The following HS3ST6 variants were observed in gnomAD, a reference collection of about 807,000 sequenced individuals.
HS3ST6 encodes heparan sulfate-glucosamine 3-sulfotransferase 6.
A neutral mutation model predicts 11.0 loss-of-function variants in HS3ST6; 13 were observed. The ratio of observed to expected loss-of-function variants is 1.18; its 90% CI spans 0.77 to 1.88. The LOEUF is 1.88. HS3ST6 is among the 40% of genes most tolerant of loss of function. The pLI is 0.00. For synonymous variants in HS3ST6, 232 were observed against 230.6 expected (o/e 1.01, Z -0.06); for missense variants, 541 against 494.4 (o/e 1.09, Z -0.89).
chr16:1,920,658 G>A (rs1027606276), upstream of HS3ST6, among the ~76,000 whole-genome samples: 13 of 147,574 alleles, frequency 8.8e-5, no homozygotes, highest in East Asian at 2.1e-4. Context: ...TGACCAGAAC[G>A]CAGAACAGCA....
chr16:1,917,319 C>T lies in HS3ST6; in HGVS notation c.413+592G>A, dbSNP rs555284235. On this transcript the variant is annotated intron_variant, in intron 1 of 1. Coordinates refer to ENST00000454677, the MANE Select transcript of HS3ST6 (RefSeq NM_001009606.4). ...ACGTCCATCCTGGGTAGAGGCAGGA[C>T]AGCCACAGAGCCCCATGCACGGGGC... 2.0e-3 allele frequency among the ~76,000 whole-genome samples: 308 copies of T among 152,278 alleles called. 1 individual carries two copies. The highest frequency in any genetic ancestry group is 3.2e-3 in the Non-Finnish European group (218 of 68,010).
chr16:1,919,517 C>A (rs1260112690), upstream of HS3ST6, among the ~76,000 whole-genome samples: 5 of 152,256 alleles, frequency 3.3e-5, no homozygotes, highest in African/African-American at 4.8e-5. Context: ...GCCTTCCTGG[C>A]CACAGGGCTG....
chr16:1,913,442 A>G (rs1240254375), intron 1 of HS3ST6, among the ~76,000 whole-genome samples: 4 of 152,180 alleles, frequency 2.6e-5, no homozygotes, highest in Non-Finnish European at 5.9e-5. Flanking sequence ...GGGCAGGCCC[A>G]GGCACCCCCA....
At position 1,918,063 on chromosome 16, in the gene HS3ST6, G is replaced by A; in HGVS notation, c.261C>T (p.Arg87=). The A allele has an allele frequency of 6.6e-7, 1 of 1,510,624 alleles. No individual in the cohort carries two copies. Among genetic ancestry groups the A allele is most frequent in the Admixed American group, 2.1e-5 (1 of 48,682 alleles). The allele number at this position is 1,510,624 out of a possible 1,614,324, so 93.6% of individuals were successfully genotyped here. The change falls in exon 1 of 2, where the codon CGC becomes CGT. Residue 87 remains arginine, a synonymous_variant. Coordinates refer to ENST00000454677, the MANE Select transcript of HS3ST6 (RefSeq NM_001009606.4). This position sits in a 1 kb window ranked among gnomAD's most constrained non-coding sequence, Gnocchi z 6.0. ...PGLPLASGPG[R]RRFPQALIVG... Reference sequence around the variant, plus strand: ...CGATGAGCGCTTGCGGGAAGCGCCGGCGGCCGGGACCGCTGGCCAAAGGCA... The same window carrying A: ...CGATGAGCGCTTGCGGGAAGCGCCGACGGCCGGGACCGCTGGCCAAAGGCA...
At position 1,911,538 on chromosome 16, in the gene HS3ST6, T is replaced by C. The variant is rs2082885361; in HGVS notation, c.*52A>G. 2 of 1,494,336 alleles carry C rather than the reference T, an allele frequency of 1.3e-6. No individual in the cohort carries two copies. Among genetic ancestry groups the C allele is most frequent in the Non-Finnish European group, 1.8e-6 (2 of 1,120,596 alleles). The allele number at this position is 1,494,336 out of a possible 1,614,324, so 92.6% of individuals were successfully genotyped here. ...CCCAGCATGTGCACGCAGCCCGCTC[T>C]GGCCAGGCGAGCGGGTGTCAATCAA... On this transcript the variant is annotated 3_prime_UTR_variant, in exon 2 of 2. Transcript: ENST00000454677.
At chr16:1,914,321 G>GCAGCT (rs2082911943) in intron 1 of HS3ST6, among the ~76,000 whole-genome samples, 1 of 152,178 alleles carries the variant, frequency 6.6e-6, no homozygotes, top group African/African-American at 2.4e-5. Context: ...CTGAGGCCTG[G>GCAGCT]CAGCTCAGGG....
At chr16:1,919,533 A>G (rs1479208835), upstream of HS3ST6, among the ~76,000 whole-genome samples, 3 of 152,210 alleles carry the variant, frequency 2.0e-5, no homozygotes, top group Non-Finnish European at 1.5e-5. Context: ...GGCTGGCGCC[A>G]GGCAGGCACG....
rs2082896213 is a variant in HS3ST6, at chr16:1,912,231, G to T, written c.414-26C>A. 2.9e-6 allele frequency: 4 copies of T among 1,373,336 alleles called. No individual in the cohort carries two copies. In the Admixed American group the frequency reaches 1.2e-4, roughly 42 times the overall value. The allele number at this position is 1,373,336 out of a possible 1,614,324, so 85.1% of individuals were successfully genotyped here. On this transcript the variant is annotated intron_variant, in intron 1 of 1. Transcript: ENST00000454677. The surrounding 1 kb of genome is among the most constrained non-coding windows in gnomAD (Gnocchi z 5.6). Reference sequence around the variant, plus strand: ...CTGCGGGACGGGTGCAAGGAGAGGGGGCCTGAGCCTCCCCAGCCCTAGACC... The same window carrying T: ...CTGCGGGACGGGTGCAAGGAGAGGGTGCCTGAGCCTCCCCAGCCCTAGACC...
chr16:1,919,945 G>T (rs754748075), upstream of HS3ST6, among the ~76,000 whole-genome samples: 22 of 152,120 alleles, frequency 1.4e-4, no homozygotes, highest in Non-Finnish European at 2.5e-4. Context: ...AAACGGTATT[G>T]TTCCCAACGG....
At chr16:1,919,225 C>T (rs2082947710), upstream of HS3ST6, among the ~76,000 whole-genome samples, 1 of 152,192 alleles carries the variant, frequency 6.6e-6, no homozygotes, top group South Asian at 2.1e-4. Flanking sequence ...GCAAAGTGGA[C>T]CCCACTGGAG....
chr16:1,920,387 G>T (rs2982441), upstream of HS3ST6, among the ~76,000 whole-genome samples: 74 of 48,018 alleles, frequency 1.5e-3, 5 homozygotes, highest in East Asian at 6.6e-3. Flanking sequence ...ACGGTCTCAG[G>T]AGTCCCCACA....
At chr16:1,917,789 C>A in intron 1 of HS3ST6, 122 bp downstream of exon 1, 2 of 751,978 alleles carry the variant, frequency 2.7e-6, no homozygotes, top group Admixed American at 4.2e-5. Context: ...GCGGTCCCAA[C>A]CCCACTGCCC....
chr16:1,913,316 C>T (rs1214739932), intron 1 of HS3ST6, among the ~76,000 whole-genome samples: 2 of 152,312 alleles, frequency 1.3e-5, no homozygotes, highest in Non-Finnish European at 2.9e-5. Context: ...AGATTCTCCT[C>T]ATTCTGACAC....
chr16:1,912,188 G>T lies in HS3ST6; in HGVS notation c.431C>A (p.Thr144Asn). 4 of 1,442,588 alleles carry T rather than the reference G, an allele frequency of 2.8e-6. No individual in the cohort carries two copies. The highest frequency in any genetic ancestry group is 3.6e-6 in the Non-Finnish European group (4 of 1,098,128). The allele number at this position is 1,442,588 out of a possible 1,614,324, so 89.4% of individuals were successfully genotyped here. ...LAWYRSLMPR[T>N]LDGQITMEKT... ...CTCCATGGTGATCTGCCCATCCAGGGTTCGGGGCATCAGACTCCTGCGGGA... is the reference window on the plus strand; with the variant it reads ...CTCCATGGTGATCTGCCCATCCAGGTTTCGGGGCATCAGACTCCTGCGGGA... Residue 144 changes from threonine to asparagine, a missense_variant, in exon 2 of 2, where the codon ACC becomes AAC. Thr to Asn is a moderately conservative substitution (Grantham distance 65). Coordinates refer to ENST00000454677, the MANE Select transcript of HS3ST6 (RefSeq NM_001009606.4). The surrounding 1 kb of genome is among the most constrained non-coding windows in gnomAD (Gnocchi z 5.6).
chr16:1,913,697 A>C (rs572493770), intron 1 of HS3ST6, among the ~76,000 whole-genome samples: 180 of 152,216 alleles, frequency 1.2e-3, no homozygotes, highest in Non-Finnish European at 1.7e-3. Flanking sequence ...GGCCCCTGCC[A>C]GGAGGCTGAC....
upstream of HS3ST6, among the ~76,000 whole-genome samples, chr16:1,918,719 C>T (rs2082944803): frequency 6.6e-6 from 1 of 152,096 alleles, no homozygotes; most frequent in Admixed American, 6.5e-5. The surrounding 1 kb of genome is among the most constrained non-coding windows in gnomAD (Gnocchi z 6.0). Flanking sequence ...GGCGCGCGGG[C>T]CTCGGGACCC....
chr16:1,914,841 G>A (rs1311091197), intron 1 of HS3ST6, among the ~76,000 whole-genome samples: 1 of 152,142 alleles, frequency 6.6e-6, no homozygotes, highest in Non-Finnish European at 1.5e-5. Flanking sequence ...CCAGGCATCC[G>A]AAGCCTATCC....
chr16:1,912,884 C>A lies in HS3ST6; in HGVS notation c.414-679G>T, dbSNP rs1260543001. 6.6e-6 allele frequency among the ~76,000 whole-genome samples: 1 copy of A among 152,160 alleles called. No homozygotes were observed. The highest frequency in any genetic ancestry group is 2.4e-5 in the African/African-American group (1 of 41,448). On this transcript the variant is annotated intron_variant, in intron 1 of 1. Coordinates refer to ENST00000454677, the MANE Select transcript of HS3ST6 (RefSeq NM_001009606.4). This position sits in a 1 kb window ranked among gnomAD's most constrained non-coding sequence, Gnocchi z 5.6. Reference sequence around the variant, plus strand: ...TCGGCTCACTGCAACCTCTGCCTCCCGGGTTCAAGCGATTTTCCTGCCTCA... The same window carrying A: ...TCGGCTCACTGCAACCTCTGCCTCCAGGGTTCAAGCGATTTTCCTGCCTCA...
In HS3ST6 at chr16:1,912,590, G is replaced by A. The variant is rs1480554293; in HGVS notation, c.414-385C>T. Among the ~76,000 whole-genome samples the A allele has an allele frequency of 2.0e-5, 3 of 151,998 alleles. No homozygotes were observed. Among genetic ancestry groups the A allele is most frequent in the African/African-American group, 7.2e-5 (3 of 41,392 alleles). On this transcript the variant is annotated intron_variant, in intron 1 of 1. Coordinates refer to ENST00000454677, the MANE Select transcript of HS3ST6 (RefSeq NM_001009606.4). The surrounding 1 kb of genome is among the most constrained non-coding windows in gnomAD (Gnocchi z 5.6). ...CTCCCACCGGACCCACACTTTCCTG[G>A]AACTAGGCTGCCCCCAGCTCCTTTC...
Sources: gnomAD v4.1 joint callset for allele counts (sites outside exome capture counted in the v4.1 genomes callset) on GRCh38, gnomAD v4.1.1 for gene constraint, Gnocchi (gnomAD v3.1) non-coding constraint, MANE v1.5 for transcripts, NCBI Gene and HGNC (gene_info 2026-07-23, HGNC 2026-07-21) for gene names.